GPM6A: variants seen among roughly 807,000 people sequenced by gnomAD.
GPM6A encodes the protein neuronal membrane glycoprotein M6-a.
GPM6A carries 7 observed loss-of-function variants against 32.1 expected under a neutral mutation model. The observed-to-expected ratio is 0.22, with a 90% CI of 0.12 to 0.41. The LOEUF is 0.41. Among genes scored for constraint, GPM6A ranks in the 10% least tolerant of loss-of-function variants. The pLI is 1.00. For missense variants in GPM6A, 235 were observed against 347.2 expected, an observed-to-expected ratio of 0.68 and a Z score of 2.57; for synonymous variants, 130 against 123.4, an observed-to-expected ratio of 1.05 and a Z score of -0.35.
At chr4:175,746,134 T>A (rs549603326) in intron 1 of GPM6A, among the ~76,000 whole-genome samples, 4 of 152,302 alleles carry the variant, frequency 2.6e-5, no homozygotes, top group Admixed American at 2.0e-4. Flanking sequence ...AAAATTTCTA[T>A]GTAATTCATA....
intron 1 of GPM6A, among the ~76,000 whole-genome samples, chr4:175,915,964 C>T (rs1310549815): frequency 6.6e-6 from 1 of 152,230 alleles, no homozygotes; most frequent in Non-Finnish European, 1.5e-5. Context: ...ATCCATCTCC[C>T]TTCTCAGATT....
At chr4:175,980,577 C>T (rs114910366) in intron 1 of GPM6A, among the ~76,000 whole-genome samples, 4,728 of 152,174 alleles carry the variant, frequency 0.031, 160 homozygotes, top group African/African-American at 0.085. Context: ...CCTAAATAAA[C>T]TGGGGTTCTT....
At chr4:175,968,139 T>C (rs1471867444) in intron 1 of GPM6A, among the ~76,000 whole-genome samples, 2 of 151,688 alleles carry the variant, frequency 1.3e-5, no homozygotes, top group Non-Finnish European at 2.9e-5. Flanking sequence ...CAATTGATCT[T>C]TGGCAAAGGA....
chr4:175,836,539 A>G (rs1166100862), intron 1 of GPM6A, among the ~76,000 whole-genome samples: 1 of 152,178 alleles, frequency 6.6e-6, no homozygotes, highest in African/African-American at 2.4e-5. Context: ...AAATTTACAG[A>G]AGTAGGGTAA....
chr4:175,795,191 C>A (rs1219390699), intron 1 of GPM6A, among the ~76,000 whole-genome samples: 1 of 152,148 alleles, frequency 6.6e-6, no homozygotes, highest in East Asian at 1.9e-4. Flanking sequence ...TAAATGATGA[C>A]AGATGTGATG....
chr4:175,863,194 T>C (rs138512766), intron 1 of GPM6A, among the ~76,000 whole-genome samples: 1 of 152,290 alleles, frequency 6.6e-6, no homozygotes, highest in East Asian at 1.9e-4. Flanking sequence ...AACATTTCCA[T>C]CACACCCTTC....
intron 1 of GPM6A, among the ~76,000 whole-genome samples, chr4:175,941,994 C>A (rs986251554): frequency 6.6e-6 from 1 of 152,192 alleles, no homozygotes; most frequent in African/African-American, 2.4e-5. Flanking sequence ...ACACTCCCAA[C>A]AACAATGTAA....
At chr4:175,659,501 T>A (rs886758908) in intron 3 of GPM6A, among the ~76,000 whole-genome samples, 5 of 152,194 alleles carry the variant, frequency 3.3e-5, no homozygotes, top group Non-Finnish European at 5.9e-5. Flanking sequence ...TGTCCTTTTT[T>A]AAAAATAGTT....
chr4:176,000,386 C>G (rs1437365035), intron 1 of GPM6A, among the ~76,000 whole-genome samples: 2 of 152,154 alleles, frequency 1.3e-5, no homozygotes, highest in Non-Finnish European at 2.9e-5. Context: ...TCCACACCAT[C>G]CCCCACAACA....
chr4:175,899,726 T>C (rs535998210), intron 1 of GPM6A, among the ~76,000 whole-genome samples: 2 of 151,906 alleles, frequency 1.3e-5, no homozygotes, highest in African/African-American at 4.8e-5. Flanking sequence ...CAAATCAAAA[T>C]AGATTAAAGA....
intron 1 of GPM6A, among the ~76,000 whole-genome samples, chr4:175,831,718 T>TTTTC (rs1735618578): frequency 1.5e-5 from 2 of 132,584 alleles, no homozygotes; most frequent in Admixed American, 7.8e-5. Context: ...GCCATCTCTT[T>TTTTC]TTTTTTTTTT....
At chr4:175,711,504 C>A (rs1422056713) in intron 1 of GPM6A, among the ~76,000 whole-genome samples, 1 of 112,940 alleles carries the variant, frequency 8.9e-6, no homozygotes. Flanking sequence ...TATTTATATA[C>A]TTGTATATAT....
intron 1 of GPM6A, among the ~76,000 whole-genome samples, chr4:175,876,327 C>T (rs908383985): frequency 1.3e-5 from 2 of 152,108 alleles, no homozygotes; most frequent in African/African-American, 4.8e-5. Context: ...AATAATATGA[C>T]TCATGCAATG....
Position 175,953,651 on chromosome 4 carries a change from C to T in GPM6A, c.-23+48658G>A, listed in dbSNP as rs183324129. ...GCGCAGTGGCTCACACCTGCAATTC[C>T]AGCACTTTGGGAGGCCGAGGTGGGC... is the stretch of plus-strand genomic sequence containing the variant. On this transcript the variant is annotated intron_variant, in intron 1 of 7. Transcript: ENST00000280187. Among the ~76,000 whole-genome samples, 6 of 152,234 alleles carry T rather than the reference C, an allele frequency of 3.9e-5. No individual in the cohort carries two copies. In the East Asian group the frequency reaches 9.7e-4, roughly 25 times the overall value.
At chr4:175,717,559 A>C (rs1208536876) in intron 1 of GPM6A, among the ~76,000 whole-genome samples, 4 of 152,186 alleles carry the variant, frequency 2.6e-5, no homozygotes, top group Non-Finnish European at 4.4e-5. Context: ...ATAAAATGCT[A>C]TTTCCACATA....
chr4:175,933,562 TCTTAGAAGTTTTTG>T (rs965050998), intron 1 of GPM6A, among the ~76,000 whole-genome samples: 7 of 121,200 alleles, frequency 5.8e-5, no homozygotes, highest in Non-Finnish European at 1.2e-4. Context: ...TCTTAGAAGT[TCTTAGAAGTTTTTG>T]TTTGTTTGTT....
chr4:175,820,853 G>A (rs761124767), intron 1 of GPM6A, among the ~76,000 whole-genome samples: 38 of 152,074 alleles, frequency 2.5e-4, no homozygotes, highest in Non-Finnish European at 4.1e-4. Flanking sequence ...GTCTCTTTTC[G>A]CAACTTCTTC....
At chr4:175,911,892 G>C (rs1738332755) in intron 1 of GPM6A, among the ~76,000 whole-genome samples, 1 of 152,144 alleles carries the variant, frequency 6.6e-6, no homozygotes, top group African/African-American at 2.4e-5. Context: ...AGCAAATCAA[G>C]AAGGGCAGGA....
At chr4:175,880,627 G>T (rs1042885153) in intron 1 of GPM6A, among the ~76,000 whole-genome samples, 3 of 152,270 alleles carry the variant, frequency 2.0e-5, no homozygotes, top group African/African-American at 7.2e-5. Context: ...GGATTCCTAA[G>T]TATTTTATTG....
Sources: gnomAD v4.1 joint callset for allele counts (sites outside exome capture counted in the v4.1 genomes callset) on GRCh38, gnomAD v4.1.1 for gene constraint, MANE v1.5 for transcripts, NCBI Gene and HGNC (gene_info 2026-07-23, HGNC 2026-07-21) for gene names.